Variants in OTUD7A observed in about 807,000 individuals in gnomAD.
OTUD7A encodes OTU domain-containing protein 7A.
A neutral mutation model predicts 65.7 loss-of-function variants in OTUD7A; 12 were observed. The ratio of observed to expected loss-of-function variants is 0.18; its 90% CI spans 0.12 to 0.30. The LOEUF is 0.30. OTUD7A is among the 10% of genes least tolerant of loss of function. The pLI is 1.00. For missense variants in OTUD7A, 1,148 were observed against 1,304.8 expected (o/e 0.88, Z 1.85); for synonymous variants, 641 against 586.3 (o/e 1.09, Z -1.35).
chr15:31,493,174 C>G (rs895507742), intron 10 of OTUD7A, among the ~76,000 whole-genome samples: 3 of 151,534 alleles, frequency 2.0e-5, no homozygotes, highest in Non-Finnish European at 2.9e-5. Context: ...AAAAGAATCC[C>G]ATTTTAAATA....
intron 3 of OTUD7A, among the ~76,000 whole-genome samples, chr15:31,584,220 C>T (rs1210512690): frequency 6.6e-6 from 1 of 152,184 alleles, no homozygotes; most frequent in African/African-American, 2.4e-5. Context: ...GCTCTTATAG[C>T]CATGGAGGCA....
Position 31,495,192 on chromosome 15 carries a change from T to C in OTUD7A, c.1171+6498A>G, listed in dbSNP as rs75420315. ...ACTGAAAAACCCTCAGCCAGTTCTT[T>C]CCGTGGAGTTAACTGTGGCTGGCAT... On this transcript the variant is annotated intron_variant, in intron 10 of 12. Transcript: ENST00000307050. 1.1e-3 allele frequency among the ~76,000 whole-genome samples: 168 copies of C among 152,308 alleles called. 3 individuals are homozygous for C. In the East Asian group the frequency reaches 0.029, roughly 26 times the overall value.
chr15:31,667,628 A>G (rs1358285826), intron 1 of OTUD7A, among the ~76,000 whole-genome samples: 1 of 152,124 alleles, frequency 6.6e-6, no homozygotes, highest in East Asian at 1.9e-4. Context: ...ATTTACATTC[A>G]ATGTTATTAT....
In OTUD7A at chr15:31,487,589, G is replaced by T; in HGVS notation, c.1172-23C>A. On this transcript the variant is annotated intron_variant, in intron 10 of 12. Coordinates refer to ENST00000307050, the MANE Select transcript of OTUD7A (RefSeq NM_001382637.1). The surrounding 1 kb of genome is among the most constrained non-coding windows in gnomAD (Gnocchi z 6.0). Reference sequence around the variant, plus strand: ...CGGCTGGAACAGAAGAGACAGAGCCGTGCTTGGAGCCCCGGCAGTCCCCAG... The same window carrying T: ...CGGCTGGAACAGAAGAGACAGAGCCTTGCTTGGAGCCCCGGCAGTCCCCAG... The T allele has an allele frequency of 1.3e-6, 2 of 1,596,754 alleles. No individual in the cohort carries two copies. The highest frequency in any genetic ancestry group is 1.7e-6 in the Non-Finnish European group (2 of 1,170,378).
intron 7 of OTUD7A, among the ~76,000 whole-genome samples, chr15:31,526,849 G>A (rs1386737900): frequency 6.6e-6 from 1 of 152,142 alleles, no homozygotes; most frequent in Non-Finnish European, 1.5e-5. Context: ...ACAGGGGCTG[G>A]GGCCATGGGC....
rs1232594864 is a variant in OTUD7A at position 31,680,007 on chromosome 15, G to A, written c.-99-22930C>T. Among the ~76,000 whole-genome samples, 5 of 152,110 alleles carry A rather than the reference G, an allele frequency of 3.3e-5. No homozygotes were observed. The East Asian group carries it at 5.8e-4, about 18-fold the overall frequency. The stretch of plus-strand genomic sequence containing the variant: ...TTACAGGAAACTCAAATGACTAGTC[G>A]ACAAATGAAAAGAGAATCAACCTTA... On this transcript the variant is annotated intron_variant, in intron 1 of 12. Transcript: ENST00000307050.
chr15:31,814,001 A>G (rs1337135088), intron 1 of OTUD7A, among the ~76,000 whole-genome samples: 2 of 152,254 alleles, frequency 1.3e-5, no homozygotes, highest in Non-Finnish European at 2.9e-5. Flanking sequence ...TTGGCAAGAA[A>G]AAATAAAAAA....
chr15:31,783,005 A>G (rs1895581073), intron 1 of OTUD7A, among the ~76,000 whole-genome samples: 1 of 152,310 alleles, frequency 6.6e-6, no homozygotes, highest in Non-Finnish European at 1.5e-5. Flanking sequence ...GAGCTGAGTT[A>G]AAAGAACACA....
chr15:31,621,726 C>A (rs1351804176), intron 3 of OTUD7A, among the ~76,000 whole-genome samples: 2 of 151,606 alleles, frequency 1.3e-5, no homozygotes, highest in African/African-American at 4.9e-5. Flanking sequence ...TCCTATTTGC[C>A]AGTCCGTGTC....
chr15:31,636,869 T>C (rs1462994856), intron 3 of OTUD7A, among the ~76,000 whole-genome samples: 1 of 151,844 alleles, frequency 6.6e-6, no homozygotes, highest in African/African-American at 2.4e-5. Flanking sequence ...CCTAACTCTC[T>C]TCAATTCTAC....
chr15:31,661,876 A>AT (rs1892174936), intron 1 of OTUD7A, among the ~76,000 whole-genome samples: 2 of 152,226 alleles, frequency 1.3e-5, no homozygotes, highest in Admixed American at 6.5e-5. Context: ...TAATCTACAG[A>AT]TTTTGCCTCC....
At chr15:31,550,055 G>A (rs1368556247) in intron 5 of OTUD7A, among the ~76,000 whole-genome samples, 2 of 150,432 alleles carry the variant, frequency 1.3e-5, no homozygotes, top group Non-Finnish European at 2.9e-5. Context: ...AGCCGAGATC[G>A]TGCCACTGCA....
intron 1 of OTUD7A, among the ~76,000 whole-genome samples, chr15:31,778,864 G>A (rs915379620): frequency 8.6e-5 from 13 of 151,924 alleles, no homozygotes; most frequent in Non-Finnish European, 1.8e-4. Context: ...TCACTATTCC[G>A]TTTAATGATT....
chr15:31,564,823 G>A (rs967117507), intron 4 of OTUD7A, among the ~76,000 whole-genome samples: 3 of 152,058 alleles, frequency 2.0e-5, no homozygotes, highest in Admixed American at 6.6e-5. Flanking sequence ...TGGAAAAGTT[G>A]AAATTATATC....
chr15:31,797,627 G>A (rs939602094), intron 1 of OTUD7A, among the ~76,000 whole-genome samples: 4 of 152,204 alleles, frequency 2.6e-5, no homozygotes, highest in Admixed American at 2.6e-4. Context: ...GGTGACACCT[G>A]CAAATCGCAT....
At chr15:31,753,702 TTATATATATATATATATATTA>T (rs1323192596) in intron 1 of OTUD7A, among the ~76,000 whole-genome samples, 245 of 11,170 alleles carry the variant, frequency 0.022, 7 homozygotes, top group African/African-American at 0.026. Flanking sequence ...TATATATATA[TTATATATATATATATATATTA>T]TATATATATA....
rs144547059 is a variant in OTUD7A, at chr15:31,481,380, C to G, written c.*1914G>C. ...TTTGGATGCCAAAGCAGCTGCTCAG[C>G]GTGACACGAAGAATCAGTCCAGAAA... On this transcript the variant is annotated 3_prime_UTR_variant, in exon 13 of 13. Transcript: ENST00000307050. 2 of 152,154 alleles carry G rather than the reference C, an allele frequency of 1.3e-5. No homozygotes were observed. Among genetic ancestry groups the G allele is most frequent in the Non-Finnish European group, 2.9e-5 (2 of 68,028 alleles). 9.4% of individuals were successfully genotyped at this position (152,154 alleles called of 1,614,324 possible). A position where few individuals can be genotyped will look rare whatever the true frequency, so the allele number is the denominator to read the frequency against.
intron 1 of OTUD7A, among the ~76,000 whole-genome samples, chr15:31,803,045 G>A (rs774101337): frequency 7.9e-5 from 12 of 152,152 alleles, no homozygotes; most frequent in Non-Finnish European, 1.5e-4. Context: ...TCTGTCTGTC[G>A]ACTTTTGTGG....
intron 1 of OTUD7A, among the ~76,000 whole-genome samples, chr15:31,825,913 T>C (rs936082567): frequency 2.6e-5 from 4 of 152,232 alleles, no homozygotes; most frequent in Non-Finnish European, 4.4e-5. Context: ...TTTGACTCCA[T>C]GTCTCAAATC....
Sources: gnomAD v4.1 joint callset for allele counts (sites outside exome capture counted in the v4.1 genomes callset) on GRCh38, gnomAD v4.1.1 for gene constraint, Gnocchi (gnomAD v3.1) non-coding constraint, MANE v1.5 for transcripts, NCBI Gene and HGNC (gene_info 2026-07-23, HGNC 2026-07-21) for gene names.